The following UTP4 variants were observed in gnomAD, a reference collection of about 807,000 sequenced individuals.
UTP4 encodes the protein U3 small nucleolar RNA-associated protein 4 homolog.
A neutral mutation model predicts 82.4 loss-of-function variants in UTP4; 45 were observed. That is an observed-to-expected ratio of 0.55 (90% CI 0.43 to 0.70). UTP4 has a LOEUF of 0.70. Ranked by LOEUF, UTP4 falls within the 30% of genes least tolerant of loss-of-function variation. The pLI is 0.00. For synonymous variants in UTP4, 348 were observed against 300.3 expected (o/e 1.16, Z -1.64); for missense variants, 819 against 858.3 (o/e 0.95, Z 0.57).
chr16:69,164,685 T>G (rs985720583), intron 14 of UTP4, among the ~76,000 whole-genome samples: 12 of 150,822 alleles, frequency 8.0e-5, no homozygotes, highest in Non-Finnish European at 1.8e-4. Flanking sequence ...CAGAGACAGC[T>G]TTGTTTGTAG....
In UTP4 at chr16:69,154,477, C is replaced by T; in HGVS notation, c.1164+20C>T. On this transcript the variant is annotated intron_variant, in intron 10 of 16. Transcript: ENST00000314423. ...ACAAAGGTAAGGAAGTTTGTTTAGG[C>T]TCTGAATTCTAGAGCCTGAATTCTA... The T allele has an allele frequency of 1.3e-6, 2 of 1,573,030 alleles. No homozygotes were observed. Among genetic ancestry groups the T allele is most frequent in the Non-Finnish European group, 1.7e-6 (2 of 1,142,858 alleles).
chr16:69,136,801 C>T lies in UTP4; in HGVS notation c.265C>T (p.Gln89Ter), dbSNP rs767307441. 6.2e-7 allele frequency: 1 copy of T among 1,614,150 alleles called. No individual in the cohort carries two copies. Among genetic ancestry groups the T allele is most frequent in the Non-Finnish European group, 8.5e-7 (1 of 1,180,002 alleles). Reference sequence around the variant, plus strand: ...TGGCGAGATTATGGAGTATGATTTACAGGCGTTAAACATCAAGTATGCTAT... The same window carrying T: ...TGGCGAGATTATGGAGTATGATTTATAGGCGTTAAACATCAAGTATGCTAT... The part of the protein sequence containing the change: ...LNGEIMEYDL[Q>*]ALNIKYAMDA... The change falls in exon 3 of 17, where the codon CAG (glutamine) becomes TAG (stop). Residue 89 changes from glutamine (Q) to a stop codon, truncating the protein, a stop_gained. Transcript: ENST00000314423. LOFTEE classifies it high-confidence loss of function.
chr16:69,155,098 C>T (rs916384860), intron 10 of UTP4, among the ~76,000 whole-genome samples: 1 of 152,140 alleles, frequency 6.6e-6, no homozygotes. Context: ...TTTTTAAAAA[C>T]TACATACATG....
At chr16:69,157,626 C>A (rs1470001625) in intron 12 of UTP4, among the ~76,000 whole-genome samples, 1 of 152,052 alleles carries the variant, frequency 6.6e-6, no homozygotes, top group East Asian at 1.9e-4. Context: ...GGGCATGTTG[C>A]CTTTTTTGGT....
intron 11 of UTP4, among the ~76,000 whole-genome samples, chr16:69,156,552 G>A (rs552177889): frequency 3.3e-5 from 5 of 151,410 alleles, no homozygotes; most frequent in South Asian, 2.1e-4. Context: ...TCTGCCTCTC[G>A]GGTTCAAGCC....
At chr16:69,155,850 C>G (rs1266895840) in intron 10 of UTP4, 21 bp from the exon 11 acceptor site, 1 of 1,614,016 alleles carries the variant, frequency 6.2e-7, no homozygotes, top group Non-Finnish European at 8.5e-7. Flanking sequence ...GCACATTCAT[C>G]TTGATTCCTG....
At position 69,139,881 on chromosome 16, in the gene UTP4, A is replaced by G; in HGVS notation, c.493A>G (p.Ile165Val). Residue 165 changes from isoleucine to valine, a missense_variant, in exon 5 of 17, where the codon ATA (isoleucine) becomes GTA (valine). Transcript: ENST00000314423. ...TGGTACCCACATTGCAGCTGGTTCC[A>G]TAGACTACATTAGTGTGTTTGATGT... ...PSGTHIAAGS[I>V]DYISVFDVKS... 6.2e-7 allele frequency: 1 copy of G among 1,613,764 alleles called. No homozygotes were observed. Among genetic ancestry groups the G allele is most frequent in the Non-Finnish European group, 8.5e-7 (1 of 1,179,710 alleles).
chr16:69,154,724 ATTT>A (rs1226914463), intron 10 of UTP4, among the ~76,000 whole-genome samples: 1 of 150,908 alleles, frequency 6.6e-6, no homozygotes, highest in East Asian at 1.9e-4. Flanking sequence ...TTATTTATTT[ATTT>A]ATTTATTTAT....
chr16:69,167,425 A>G, intron 16 of UTP4: 1 of 495,570 alleles, frequency 2.0e-6, no homozygotes, highest in Non-Finnish European at 3.7e-6. Flanking sequence ...AGTAGTGAGA[A>G]ATGTTGGCGC....
At chr16:69,154,955 G>A (rs1409970516) in intron 10 of UTP4, among the ~76,000 whole-genome samples, 3 of 151,986 alleles carry the variant, frequency 2.0e-5, no homozygotes, top group African/African-American at 7.2e-5. Flanking sequence ...CCCGACCTCA[G>A]GTGATCCGCC....
intron 10 of UTP4, among the ~76,000 whole-genome samples, chr16:69,154,704 TTTTA>T (rs34852514): frequency 0.055 from 8,014 of 147,044 alleles, 282 homozygotes; most frequent in Non-Finnish European, 0.082. Context: ...AATAATGTGC[TTTTA>T]TTTATTTATT....
chr16:69,166,962 G>T (rs1597156266), intron 15 of UTP4, 113 bp from the exon 16 acceptor site: 2 of 766,244 alleles, frequency 2.6e-6, no homozygotes, highest in South Asian at 1.5e-5. Context: ...GGGAGGTACT[G>T]AATATATATG....
At chr16:69,162,920 T>C (rs563054437) in intron 13 of UTP4, among the ~76,000 whole-genome samples, 163 bp from the exon 14 acceptor site, 9 of 150,384 alleles carry the variant, frequency 6.0e-5, no homozygotes, top group Admixed American at 1.3e-4. Flanking sequence ...GAAAAAGAAA[T>C]GAAAGTTCAT....
intron 10 of UTP4, among the ~76,000 whole-genome samples, chr16:69,154,836 C>A (rs1442525370): frequency 1.3e-5 from 2 of 152,078 alleles, no homozygotes; most frequent in Non-Finnish European, 2.9e-5. Flanking sequence ...TCAAGCGATT[C>A]TCCTGCTTTA....
intron 8 of UTP4, among the ~76,000 whole-genome samples, chr16:69,152,168 C>G (rs1217953583): frequency 6.6e-6 from 1 of 151,908 alleles, no homozygotes. Context: ...CTGGCATCAT[C>G]CTAGTTTGGA....
intron 5 of UTP4, 104 bp from the exon 6 acceptor site, chr16:69,143,074 C>A: frequency 8.3e-7 from 1 of 1,209,438 alleles, no homozygotes; most frequent in Non-Finnish European, 1.2e-6. Flanking sequence ...CCTAGGCTGG[C>A]CTTAAACTCC....
At chr16:69,139,740 A>G (rs369193021) in intron 4 of UTP4, 85 bp from the exon 5 acceptor site, 1 of 848,152 alleles carries the variant, frequency 1.2e-6, no homozygotes, top group East Asian at 2.4e-5. Flanking sequence ...AGAACACTCT[A>G]GAGATAGTTG....
In UTP4 at chr16:69,157,179, G is replaced by A. The variant is rs370170340; in HGVS notation, c.1383G>A (p.Leu461=). The change falls in exon 12 of 17, where the codon CTG becomes CTA. Residue 461 remains leucine, a synonymous_variant. Coordinates refer to ENST00000314423, the MANE Select transcript of UTP4 (RefSeq NM_032830.3). ...KLFVASNQGA[L]HIVQLSGGSF... Reference sequence around the variant, plus strand: ...TTGTAGCATCAAATCAAGGAGCTCTGCATATTGTTCAGCTGTCAGGAGGAA... The same window carrying A: ...TTGTAGCATCAAATCAAGGAGCTCTACATATTGTTCAGCTGTCAGGAGGAA... 3 of 1,614,070 alleles carry A rather than the reference G, an allele frequency of 1.9e-6. No individual in the cohort carries two copies. The African/African-American group carries it at 4.0e-5, about 22-fold the overall frequency.
intron 12 of UTP4, among the ~76,000 whole-genome samples, chr16:69,158,116 C>G (rs1456313267): frequency 7.0e-6 from 1 of 142,852 alleles, no homozygotes; most frequent in African/African-American, 2.6e-5. Flanking sequence ...ATTTTAGCTG[C>G]TGCTTCACTG....
Sources: allele counts gnomAD v4.1 joint callset (sites outside exome capture counted in the v4.1 genomes callset), GRCh38; gene constraint gnomAD v4.1.1; transcripts MANE v1.5; gene names NCBI Gene and HGNC (gene_info 2026-07-23, HGNC 2026-07-21).